The following PRKN variants were observed in gnomAD, a reference collection of about 807,000 sequenced individuals.
PRKN encodes parkin RBR E3 ubiquitin protein ligase.
PRKN carries 56 observed loss-of-function variants against 59.5 expected under a neutral mutation model. That is an observed-to-expected ratio of 0.94 (90% CI 0.76 to 1.18). The LOEUF is 1.18. Ranked by LOEUF, PRKN falls within the 50% of genes most tolerant of loss-of-function variation. The pLI is 0.00. For missense variants in PRKN, 657 were observed against 596.4 expected (o/e 1.10, Z -1.06); for synonymous variants, 250 against 222.1 (o/e 1.13, Z -1.12).
At chr6:161,688,579 C>G (rs546947457) in intron 7 of PRKN, among the ~76,000 whole-genome samples, 1 of 152,326 alleles carries the variant, frequency 6.6e-6, no homozygotes, top group East Asian at 1.9e-4. Context: ...GACTTTTCTT[C>G]TAGTGAGTCT....
chr6:162,584,092 G>A (rs1430248751), intron 1 of PRKN, among the ~76,000 whole-genome samples: 1 of 151,728 alleles, frequency 6.6e-6, no homozygotes, highest in African/African-American at 2.4e-5. Flanking sequence ...AGATGCCTGT[G>A]GTCCCAGCTA....
At chr6:162,238,907 C>T (rs1778863963) in intron 3 of PRKN, among the ~76,000 whole-genome samples, 1 of 152,090 alleles carries the variant, frequency 6.6e-6, no homozygotes, top group Non-Finnish European at 1.5e-5. Context: ...AAGGGGGTCT[C>T]CTCTGGTCGT....
chr6:162,705,493 G>A (rs370524371), intron 1 of PRKN, among the ~76,000 whole-genome samples: 2 of 152,096 alleles, frequency 1.3e-5, no homozygotes, highest in East Asian at 1.9e-4. Flanking sequence ...TTAAGCAAAC[G>A]ATACCAGTCA....
At chr6:162,145,538 C>G (rs1343600933) in intron 4 of PRKN, among the ~76,000 whole-genome samples, 1 of 152,084 alleles carries the variant, frequency 6.6e-6, no homozygotes, top group African/African-American at 2.4e-5. Context: ...AAGAATTAGA[C>G]AAATGCACAG....
At chr6:162,039,164 A>T (rs1385359663) in intron 5 of PRKN, among the ~76,000 whole-genome samples, 1 of 152,162 alleles carries the variant, frequency 6.6e-6, no homozygotes, top group Non-Finnish European at 1.5e-5. Context: ...TCACAAAAAA[A>T]AAAAAAAGTG....
chr6:162,582,207 T>C (rs1228442896), intron 1 of PRKN, among the ~76,000 whole-genome samples: 2 of 152,218 alleles, frequency 1.3e-5, no homozygotes, highest in African/African-American at 4.8e-5. Context: ...ATATTATGTA[T>C]GCAAAGGATG....
At chr6:162,706,493 G>C (rs979539391) in intron 1 of PRKN, among the ~76,000 whole-genome samples, 3 of 152,194 alleles carry the variant, frequency 2.0e-5, no homozygotes, top group African/African-American at 7.2e-5. Context: ...GGTTCTGTTA[G>C]GAAAGAAATA....
chr6:162,726,741 C>G (rs993946239), intron 1 of PRKN, among the ~76,000 whole-genome samples: 2 of 152,248 alleles, frequency 1.3e-5, no homozygotes, highest in African/African-American at 4.8e-5. Context: ...TGTAAAGGAC[C>G]CTCCTCAGGA....
chr6:162,366,592 A>G (rs1785449472), intron 2 of PRKN, among the ~76,000 whole-genome samples: 1 of 152,162 alleles, frequency 6.6e-6, no homozygotes, highest in African/African-American at 2.4e-5. Flanking sequence ...GATCATACCT[A>G]TAAAGTGGTG....
chr6:161,573,592 C>A (rs9355911), intron 7 of PRKN, among the ~76,000 whole-genome samples: 1 of 147,802 alleles, frequency 6.8e-6, no homozygotes, highest in East Asian at 2.0e-4. Flanking sequence ...TGGTGGCGGG[C>A]GCCTGTAGTC....
Position 161,747,465 on chromosome 6 carries a change from G to A in PRKN, c.871+38307C>T, listed in dbSNP as rs1262033190. ...TTGCAGAGAAAGAGAGAGAGAGGATGAGATGAAGGAAATGTATTGACTTCA... is the reference window on the plus strand; with the variant it reads ...TTGCAGAGAAAGAGAGAGAGAGGATAAGATGAAGGAAATGTATTGACTTCA... On this transcript the variant is annotated intron_variant, in intron 7 of 11. Coordinates refer to ENST00000366898, the MANE Select transcript of PRKN (RefSeq NM_004562.3). 2.6e-5 allele frequency among the ~76,000 whole-genome samples: 4 copies of A among 151,840 alleles called. No individual in the cohort carries two copies. The East Asian group carries it at 7.7e-4, about 29-fold the overall frequency.
At chr6:162,380,411 A>G (rs1786371732) in intron 2 of PRKN, among the ~76,000 whole-genome samples, 1 of 138,352 alleles carries the variant, frequency 7.2e-6, no homozygotes, top group South Asian at 2.3e-4. Context: ...ATATATATAT[A>G]TACACACATA....
chr6:162,009,269 A>C (rs1246393594), intron 5 of PRKN, among the ~76,000 whole-genome samples: 1 of 151,756 alleles, frequency 6.6e-6, no homozygotes, highest in African/African-American at 2.4e-5. Context: ...CAAAGCAAAG[A>C]AAGAGGTGAG....
At chr6:161,493,792 T>C (rs1009467847) in intron 9 of PRKN, among the ~76,000 whole-genome samples, 6 of 152,206 alleles carry the variant, frequency 3.9e-5, no homozygotes, top group African/African-American at 1.4e-4. Flanking sequence ...TCCTCTTCCT[T>C]TGCAGAGGAG....
chr6:161,869,454 C>G lies in PRKN; in HGVS notation c.735-83546G>C, dbSNP rs552200741. Among the ~76,000 whole-genome samples, 10 of 152,034 alleles carry G rather than the reference C, an allele frequency of 6.6e-5. No homozygotes were observed. In the East Asian group the frequency reaches 1.9e-3, roughly 29 times the overall value. ...AACCCATACACATGCTTTTAAGAGC[C>G]CTGTGCTATGTTTTGAGCTGATAAA... is the stretch of plus-strand genomic sequence containing the variant. On this transcript the variant is annotated intron_variant, in intron 6 of 11. Transcript: ENST00000366898.
At chr6:162,562,127 C>T (rs554627196) in intron 1 of PRKN, among the ~76,000 whole-genome samples, 2 of 152,094 alleles carry the variant, frequency 1.3e-5, no homozygotes, top group Non-Finnish European at 2.9e-5. Context: ...GAAAGGGCAA[C>T]AGACTGAATT....
In PRKN at chr6:161,576,585, G is replaced by A. The variant is rs1257243548; in HGVS notation, c.872-7169C>T. Among the ~76,000 whole-genome samples the A allele has an allele frequency of 5.9e-5, 9 of 152,188 alleles. No individual in the cohort carries two copies. Among genetic ancestry groups the A allele is most frequent in the Admixed American group, 3.3e-4 (5 of 15,284 alleles). ...CAGGCACTATTACGACACTTGGGTC[G>A]CAGCCGTGAAAAATTAAAACAGACA... is the stretch of plus-strand genomic sequence containing the variant. On this transcript the variant is annotated intron_variant, in intron 7 of 11. Transcript: ENST00000366898. This position sits in a 1 kb window ranked among gnomAD's most constrained non-coding sequence, Gnocchi z 4.6.
In PRKN at chr6:162,160,928, G is replaced by T. The variant is rs566604195; in HGVS notation, c.534+40203C>A. On this transcript the variant is annotated intron_variant, in intron 4 of 11. Transcript: ENST00000366898. ...AAAAAAAAAAAAAAAGAAAAAGAGG[G>T]GACTTTCTATCAGGCAGAGATAATA... Among the ~76,000 whole-genome samples the T allele has an allele frequency of 2.1e-3, 315 of 150,278 alleles. 1 individual carries two copies. The highest frequency in any genetic ancestry group is 3.4e-3 in the Middle Eastern group (1 of 292).
At chr6:161,919,051 T>C (rs1455925569) in intron 6 of PRKN, among the ~76,000 whole-genome samples, 8 of 151,622 alleles carry the variant, frequency 5.3e-5, no homozygotes, top group African/African-American at 1.7e-4. Flanking sequence ...TGAGGAGAAA[T>C]GAAAGTGCAG....
Sources: gnomAD v4.1 joint callset for allele counts (sites outside exome capture counted in the v4.1 genomes callset) on GRCh38, gnomAD v4.1.1 for gene constraint, Gnocchi (gnomAD v3.1) non-coding constraint, MANE v1.5 for transcripts, NCBI Gene and HGNC (gene_info 2026-07-23, HGNC 2026-07-21) for gene names.